PTPRM: variants seen among roughly 807,000 people sequenced by gnomAD.
PTPRM encodes protein tyrosine phosphatase receptor type M.
A neutral mutation model predicts 186.7 loss-of-function variants in PTPRM; 47 were observed. That is an observed-to-expected ratio of 0.25 (90% CI 0.20 to 0.32). The LOEUF (loss-of-function observed/expected upper bound fraction) is 0.32. PTPRM is among the 10% of genes least tolerant of loss of function. The pLI, the probability that PTPRM is intolerant of heterozygous loss-of-function variation, is 1.00. For synonymous variants in PTPRM, 668 were observed against 674.9 expected (o/e 0.99, Z 0.16); for missense variants, 1,494 against 1,865.0 (o/e 0.80, Z 3.66).
chr18:7,984,328 C>T (rs927870281), intron 7 of PTPRM, among the ~76,000 whole-genome samples: 8 of 151,700 alleles, frequency 5.3e-5, no homozygotes, highest in Admixed American at 5.3e-4. Context: ...AGCTTGGGTT[C>T]AAAGAGGTTA....
chr18:8,134,597 CA>C (rs1248293984), intron 13 of PTPRM, among the ~76,000 whole-genome samples: 1 of 152,188 alleles, frequency 6.6e-6, no homozygotes, highest in Non-Finnish European at 1.5e-5. Flanking sequence ...TACTCTCATA[CA>C]TTTCAGAATT....
At position 7,681,429 on chromosome 18, in the gene PTPRM, A is replaced by G. The variant is rs2039477800; in HGVS notation, c.74-92720A>G. 2.0e-5 allele frequency among the ~76,000 whole-genome samples: 3 copies of G among 152,262 alleles called. No homozygotes were observed. In the South Asian group the frequency reaches 6.2e-4, roughly 32 times the overall value. On this transcript the variant is annotated intron_variant, in intron 1 of 32. Transcript: ENST00000580170. ...TGAGCAAATGTGTAATTGTTGGTTT[A>G]CAGGGAAGTGGAGCCTGATTAATGT... is the stretch of plus-strand genomic sequence containing the variant.
chr18:7,977,560 T>C (rs1046765379), intron 7 of PTPRM, among the ~76,000 whole-genome samples: 1 of 152,162 alleles, frequency 6.6e-6, no homozygotes, highest in Non-Finnish European at 1.5e-5. Flanking sequence ...TTGTCCAACA[T>C]AAGAAAGATA....
intron 22 of PTPRM, among the ~76,000 whole-genome samples, chr18:8,330,258 G>A (rs748252020): frequency 4.6e-5 from 7 of 152,112 alleles, no homozygotes; most frequent in South Asian, 2.1e-4. Flanking sequence ...GTTTTTCAAG[G>A]CAGCAAACAG....
At chr18:7,873,555 AG>A (rs2048081155) in intron 2 of PTPRM, among the ~76,000 whole-genome samples, 1 of 152,216 alleles carries the variant, frequency 6.6e-6, no homozygotes, top group Non-Finnish European at 1.5e-5. Context: ...GCACATAGCT[AG>A]CACTCAGTAC....
chr18:7,986,580 T>C (rs1463702587), intron 7 of PTPRM, among the ~76,000 whole-genome samples: 2 of 152,190 alleles, frequency 1.3e-5, no homozygotes, highest in African/African-American at 2.4e-5. Context: ...TCATGGTCTG[T>C]GAGAGGTTCA....
intron 1 of PTPRM, among the ~76,000 whole-genome samples, chr18:7,689,875 C>G (rs1194503683): frequency 6.6e-6 from 1 of 152,034 alleles, no homozygotes; most frequent in Non-Finnish European, 1.5e-5. Flanking sequence ...ATGTGCCTTC[C>G]TACAAAGAGC....
intron 1 of PTPRM, among the ~76,000 whole-genome samples, chr18:7,696,360 G>T (rs1293530353): frequency 6.6e-6 from 1 of 152,038 alleles, no homozygotes; most frequent in African/African-American, 2.4e-5. Context: ...ATCTAAATTT[G>T]AATTTTCGTA....
chr18:8,375,485 C>T (rs12455923), intron 24 of PTPRM, among the ~76,000 whole-genome samples: 1,644 of 152,304 alleles, frequency 0.011, 30 homozygotes, highest in African/African-American at 0.033. Flanking sequence ...TGCAAATGAG[C>T]TCTCTGACCT....
At chr18:8,075,834 A>C (rs1165906829) in intron 8 of PTPRM, among the ~76,000 whole-genome samples, 1 of 152,166 alleles carries the variant, frequency 6.6e-6, no homozygotes, top group Non-Finnish European at 1.5e-5. Flanking sequence ...GCATGGTTTT[A>C]TCATTCAGTG....
chr18:8,092,140 T>C (rs2090767597), intron 11 of PTPRM, among the ~76,000 whole-genome samples: 1 of 152,202 alleles, frequency 6.6e-6, no homozygotes, highest in Non-Finnish European at 1.5e-5. Context: ...AAGGTGGTCA[T>C]GTATTGATTT....
At chr18:8,238,656 T>TTTTTTTTG (rs1568578075) in intron 14 of PTPRM, among the ~76,000 whole-genome samples, 16 of 61,418 alleles carry the variant, frequency 2.6e-4, no homozygotes, top group African/African-American at 1.2e-3. Flanking sequence ...TGTGTGTTTT[T>TTTTTTTTG]TTTTTTTTTT....
intron 7 of PTPRM, among the ~76,000 whole-genome samples, chr18:8,057,592 A>T (rs1313175232): frequency 8.7e-6 from 1 of 115,182 alleles, no homozygotes; most frequent in African/African-American, 3.4e-5. Context: ...TCCCAATGCT[A>T]TCCCTCCCCC....
At chr18:7,762,663 C>A (rs2041833011) in intron 1 of PTPRM, among the ~76,000 whole-genome samples, 1 of 151,952 alleles carries the variant, frequency 6.6e-6, no homozygotes, top group Admixed American at 6.6e-5. Context: ...AGAGCAGAAT[C>A]CAGGTTTGAG....
At chr18:8,208,119 A>G (rs770043735) in intron 14 of PTPRM, among the ~76,000 whole-genome samples, 1 of 152,254 alleles carries the variant, frequency 6.6e-6, no homozygotes, top group Non-Finnish European at 1.5e-5. Context: ...CCATAACCGT[A>G]AGCTGAGCTC....
chr18:7,787,540 T>G (rs2043148579), intron 2 of PTPRM, among the ~76,000 whole-genome samples: 1 of 152,202 alleles, frequency 6.6e-6, no homozygotes, highest in Admixed American at 6.5e-5. Context: ...TTCTCTCCCC[T>G]TCTTCCTGTC....
intron 20 of PTPRM, among the ~76,000 whole-genome samples, chr18:8,313,977 C>T (rs962291746): frequency 1.3e-5 from 2 of 151,938 alleles, no homozygotes; most frequent in African/African-American, 4.8e-5. Flanking sequence ...ATAGCCAGAC[C>T]CCATTTCTGA....
chr18:7,964,061 G>A (rs946870269), intron 7 of PTPRM, among the ~76,000 whole-genome samples: 1 of 151,928 alleles, frequency 6.6e-6, no homozygotes, highest in African/African-American at 2.4e-5. Context: ...TATTGATGAT[G>A]ACATGATTAA....
intron 5 of PTPRM, among the ~76,000 whole-genome samples, chr18:7,948,251 T>TTA (rs1366825996): frequency 1.3e-5 from 2 of 150,820 alleles, no homozygotes; most frequent in East Asian, 1.9e-4. Context: ...GTGAGAAACT[T>TTA]TATATATATG....
Sources: gnomAD v4.1 joint callset for allele counts (sites outside exome capture counted in the v4.1 genomes callset) on GRCh38, gnomAD v4.1.1 for gene constraint, MANE v1.5 for transcripts, NCBI Gene and HGNC (gene_info 2026-07-23, HGNC 2026-07-21) for gene names.